Variants in CSMD1 observed in about 807,000 individuals in gnomAD.
The protein encoded by CSMD1 is CUB and Sushi multiple domains 1.
Under a neutral mutation model 417.5 loss-of-function variants are expected in CSMD1, and 213 were observed. The observed-to-expected ratio is 0.51, with a 90% CI of 0.46 to 0.57. The LOEUF (loss-of-function observed/expected upper bound fraction) is 0.57, where lower values mean the gene tolerates loss of function less well. Among genes scored for constraint, CSMD1 ranks in the 20% least tolerant of loss-of-function variants. The pLI is 0.00. For synonymous variants in CSMD1, 2,862 were observed against 1,736.8 expected (o/e 1.65, Z -16.11); for missense variants, 6,923 against 4,529.7 (o/e 1.53, Z -15.17).
chr8:3,677,056 G>A (rs1294357341), intron 7 of CSMD1, among the ~76,000 whole-genome samples: 5 of 151,966 alleles, frequency 3.3e-5, no homozygotes, highest in Admixed American at 2.6e-4. Flanking sequence ...TAATGCATAC[G>A]GGGCTTAAAA....
At chr8:4,196,372 G>C (rs1257201100) in intron 3 of CSMD1, among the ~76,000 whole-genome samples, 1 of 152,122 alleles carries the variant, frequency 6.6e-6, no homozygotes, top group Non-Finnish European at 1.5e-5. Flanking sequence ...TAGTTCTGTA[G>C]GTCTGAAATT....
intron 1 of CSMD1, among the ~76,000 whole-genome samples, chr8:4,786,548 G>A (rs926136925): frequency 3.9e-5 from 6 of 152,144 alleles, no homozygotes; most frequent in African/African-American, 1.4e-4. Flanking sequence ...TAGACAAGAT[G>A]CTTATATTTA....
At chr8:3,074,372 G>C (rs79170069) in intron 49 of CSMD1, among the ~76,000 whole-genome samples, 1 of 152,068 alleles carries the variant, frequency 6.6e-6, no homozygotes, top group African/African-American at 2.4e-5. Flanking sequence ...ACGCAATCAC[G>C]GGAGGAGGGT....
chr8:4,834,222 G>A (rs1800324268), intron 1 of CSMD1, among the ~76,000 whole-genome samples: 2 of 152,154 alleles, frequency 1.3e-5, no homozygotes, highest in South Asian at 2.1e-4. Context: ...TTTGAACGTG[G>A]TAAGGAGAGG....
At chr8:4,580,541 T>C (rs2130694800) in intron 2 of CSMD1, among the ~76,000 whole-genome samples, 1 of 152,256 alleles carries the variant, frequency 6.6e-6, no homozygotes, top group African/African-American at 2.4e-5. Context: ...CCAGCTTGAG[T>C]TGTTCCCCAT....
At chr8:3,263,668 CAT>C (rs1197872615) in intron 26 of CSMD1, among the ~76,000 whole-genome samples, 1 of 152,012 alleles carries the variant, frequency 6.6e-6, no homozygotes. Flanking sequence ...AAATGTAAAA[CAT>C]AAAAATAGGA....
intron 1 of CSMD1, among the ~76,000 whole-genome samples, chr8:4,847,995 G>A (rs1563577279): frequency 6.6e-6 from 1 of 151,894 alleles, no homozygotes; most frequent in Non-Finnish European, 1.5e-5. Flanking sequence ...CTCCTTCCAG[G>A]GCCCGAACAA....
At chr8:3,042,711 A>T (rs528769750) in intron 50 of CSMD1, among the ~76,000 whole-genome samples, 1 of 152,176 alleles carries the variant, frequency 6.6e-6, no homozygotes, top group African/African-American at 2.4e-5. Context: ...TAGGTTTGTT[A>T]TAAGAGCTCA....
chr8:4,685,474 C>G lies in CSMD1; in HGVS notation c.86-47916G>C, dbSNP rs370920011. On this transcript the variant is annotated intron_variant, in intron 1 of 69. Transcript: ENST00000635120. ...CCTGTAATCCCAGCTACCCGGGAGG[C>G]TGAGGCAGGAGAATCGCTTAGAACT... Among the ~76,000 whole-genome samples, 524 of 152,184 alleles carry G rather than the reference C, an allele frequency of 3.4e-3. 5 individuals are homozygous for G. The highest frequency in any genetic ancestry group is 0.012 in the African/African-American group (511 of 41,518).
chr8:4,952,726 T>C, intron 1 of CSMD1, among the ~76,000 whole-genome samples: 1 of 152,214 alleles, frequency 6.6e-6, no homozygotes, highest in South Asian at 2.1e-4. Context: ...GTATATCAAA[T>C]ATTGAGAGAT....
chr8:4,521,528 T>G (rs184878764), intron 2 of CSMD1, among the ~76,000 whole-genome samples: 30 of 152,356 alleles, frequency 2.0e-4, no homozygotes, highest in African/African-American at 7.0e-4. Context: ...TGTTTCCTTC[T>G]TGTCTACTAT....
At chr8:3,726,400 C>A (rs920299681) in intron 6 of CSMD1, among the ~76,000 whole-genome samples, 1 of 152,154 alleles carries the variant, frequency 6.6e-6, no homozygotes, top group Non-Finnish European at 1.5e-5. Context: ...ATATAAGTCT[C>A]TATAATTAGA....
Position 2,978,676 on chromosome 8 carries a change from C to T in CSMD1, c.8502G>A (p.Leu2834=), listed in dbSNP as rs749018799. ...CCATACAGGTCAAGGCTGAAGATCC[C>T]AGCAAGTAAAATCCCTTCTTGCAAT... The part of the protein sequence containing the change: ...LYHCKKGFYL[L]GSSALTCMAN... The change falls in exon 55 of 70, where the codon CTG becomes CTA. Residue 2834 remains leucine (L), a synonymous_variant. Coordinates refer to ENST00000635120, the MANE Select transcript of CSMD1 (RefSeq NM_033225.6). The T allele has an allele frequency of 6.2e-7, 1 of 1,610,276 alleles. No homozygotes were observed. The highest frequency in any genetic ancestry group is 1.1e-5 in the South Asian group (1 of 90,048).
chr8:4,755,467 T>C (rs1811607524), intron 1 of CSMD1, among the ~76,000 whole-genome samples: 2 of 152,226 alleles, frequency 1.3e-5, no homozygotes, highest in South Asian at 4.1e-4. Flanking sequence ...ATTTACTGTT[T>C]CTATGATTGA....
At chr8:3,983,022 G>C (rs1814003984) in intron 5 of CSMD1, among the ~76,000 whole-genome samples, 1 of 152,132 alleles carries the variant, frequency 6.6e-6, no homozygotes, top group Admixed American at 6.6e-5. Context: ...AGCACAGCGG[G>C]ATAAATCATG....
intron 5 of CSMD1, among the ~76,000 whole-genome samples, chr8:3,934,348 G>T (rs926404043): frequency 6.6e-6 from 1 of 152,098 alleles, no homozygotes; most frequent in African/African-American, 2.4e-5. Context: ...ACAAAAAGAG[G>T]AGAAAAATAC....
intron 68 of CSMD1, among the ~76,000 whole-genome samples, chr8:2,945,073 G>C (rs1479462474): frequency 6.6e-6 from 1 of 152,140 alleles, no homozygotes; most frequent in Non-Finnish European, 1.5e-5. Flanking sequence ...TTAATAATTT[G>C]AAGGTTAATA....
At position 3,310,672 on chromosome 8, in the gene CSMD1, C is replaced by A. The variant is rs563766360; in HGVS notation, c.3632-2169G>T. 1.6e-4 allele frequency among the ~76,000 whole-genome samples: 25 copies of A among 152,212 alleles called. No individual in the cohort carries two copies. In the South Asian group the frequency reaches 3.1e-3, roughly 19 times the overall value. On this transcript the variant is annotated intron_variant, in intron 23 of 69. Coordinates refer to ENST00000635120, the MANE Select transcript of CSMD1 (RefSeq NM_033225.6). ...TGATCAGTACCACTGGAACAGGATC[C>A]TGGGAAAACTTAAAAATCTTTTTGA...
chr8:4,960,310 G>C (rs1169381657), intron 1 of CSMD1, among the ~76,000 whole-genome samples: 1 of 152,140 alleles, frequency 6.6e-6, no homozygotes, highest in Non-Finnish European at 1.5e-5. Context: ...CTGATATATA[G>C]ACAAGTGTGT....
Sources: allele counts gnomAD v4.1 joint callset (sites outside exome capture counted in the v4.1 genomes callset), GRCh38; gene constraint gnomAD v4.1.1; transcripts MANE v1.5; gene names NCBI Gene and HGNC (gene_info 2026-07-23, HGNC 2026-07-21).